The following CACNA1C variants were observed in gnomAD, a reference collection of about 807,000 sequenced individuals.
CACNA1C encodes voltage-dependent L-type calcium channel subunit alpha-1C.
A neutral mutation model predicts 229.0 loss-of-function variants in CACNA1C; 30 were observed. The ratio of observed to expected loss-of-function variants is 0.13; its 90% confidence interval spans 0.10 to 0.18. CACNA1C has a LOEUF of 0.18. CACNA1C is among the 10% of genes least tolerant of loss of function. The probability of loss-of-function intolerance (pLI) is 1.00; values close to 1 mark genes in which losing one functional copy is unlikely to be tolerated. For synonymous variants in CACNA1C, 1,114 were observed against 1,132.5 expected, an observed-to-expected ratio of 0.98 and a Z score of 0.33; for missense variants, 1,658 against 2,845.0, an observed-to-expected ratio of 0.58 and a Z score of 9.49.
chr12:2,092,809 G>A (rs1007275146), intron 1 of CACNA1C, among the ~76,000 whole-genome samples: 1 of 152,226 alleles, frequency 6.6e-6, no homozygotes, highest in African/African-American at 2.4e-5. Context: ...ACTTAGCAAA[G>A]ATCACATGGT....
chr12:2,542,468 A>G (rs906671284), intron 9 of CACNA1C, among the ~76,000 whole-genome samples: 9 of 152,174 alleles, frequency 5.9e-5, no homozygotes, highest in Non-Finnish European at 1.3e-4. Context: ...TGTTGACCAC[A>G]GCTGTAAGAA....
chr12:2,235,158 T>TC (rs1244734587), intron 3 of CACNA1C, among the ~76,000 whole-genome samples: 10 of 152,200 alleles, frequency 6.6e-5, no homozygotes, highest in Non-Finnish European at 1.2e-4. Context: ...TTCGGCCTGC[T>TC]CCCGGGGGAA....
chr12:2,084,508 A>G (rs2066836536), intron 1 of CACNA1C, among the ~76,000 whole-genome samples: 1 of 152,006 alleles, frequency 6.6e-6, no homozygotes, highest in South Asian at 2.1e-4. Context: ...TCTTGTCCCC[A>G]CTTTCTTTAC....
chr12:2,166,016 TA>T (rs1342243539), intron 3 of CACNA1C, among the ~76,000 whole-genome samples: 1 of 152,172 alleles, frequency 6.6e-6, no homozygotes, highest in Admixed American at 6.5e-5. Context: ...AGTGAAGAAA[TA>T]GCTTTTGATG....
chr12:2,667,594 C>G (rs943700054), intron 37 of CACNA1C, among the ~76,000 whole-genome samples: 2 of 152,142 alleles, frequency 1.3e-5, no homozygotes, highest in African/African-American at 4.8e-5. Flanking sequence ...TAGAAAATAT[C>G]AGAAAAGAGC....
chr12:2,205,222 G>A (rs975204885), intron 3 of CACNA1C, among the ~76,000 whole-genome samples: 3 of 152,180 alleles, frequency 2.0e-5, no homozygotes, highest in African/African-American at 7.2e-5. Context: ...ACAGACTTCT[G>A]CACGTTACAC....
At chr12:2,178,206 G>T (rs2096726584) in intron 3 of CACNA1C, among the ~76,000 whole-genome samples, 2 of 152,312 alleles carry the variant, frequency 1.3e-5, no homozygotes, top group African/African-American at 2.4e-5. Context: ...TTTCAAATGG[G>T]TATCCGTCCT....
intron 13 of CACNA1C, among the ~76,000 whole-genome samples, chr12:2,572,535 T>TTCCTCCTTCTCCCC (rs2056013107): frequency 2.1e-5 from 1 of 47,368 alleles, no homozygotes. Flanking sequence ...TCTTCTTCTC[T>TTCCTCCTTCTCCCC]TCCTCCTTCT....
At chr12:2,380,526 C>T (rs1308372271) in intron 3 of CACNA1C, among the ~76,000 whole-genome samples, 1 of 152,182 alleles carries the variant, frequency 6.6e-6, no homozygotes, top group Non-Finnish European at 1.5e-5. Context: ...TGATGTTTTT[C>T]ACCCCTCTGG....
At chr12:2,154,323 G>A (rs1432423609) in intron 3 of CACNA1C, among the ~76,000 whole-genome samples, 1 of 152,162 alleles carries the variant, frequency 6.6e-6, no homozygotes, top group Non-Finnish European at 1.5e-5. Flanking sequence ...AAGAGTGGGC[G>A]GTCAGAAAAC....
intron 3 of CACNA1C, among the ~76,000 whole-genome samples, chr12:2,192,025 C>T (rs955929689): frequency 6.6e-5 from 10 of 150,510 alleles, no homozygotes; most frequent in African/African-American, 2.4e-4. Flanking sequence ...CACACATATA[C>T]ACGCACTCAC....
intron 18 of CACNA1C, among the ~76,000 whole-genome samples, chr12:2,592,322 AG>A (rs1478145305): frequency 1.3e-5 from 2 of 152,228 alleles, no homozygotes; most frequent in Non-Finnish European, 2.9e-5. Flanking sequence ...TGAGGTATAG[AG>A]GTACTGTTAT....
chr12:2,480,588 T>G (rs1245422599), intron 5 of CACNA1C, among the ~76,000 whole-genome samples: 1 of 152,194 alleles, frequency 6.6e-6, no homozygotes, highest in Non-Finnish European at 1.5e-5. Context: ...TAAATAGTCT[T>G]TGAGTGAAAT....
chr12:2,058,094 C>T (rs749253915), intron 1 of CACNA1C, among the ~76,000 whole-genome samples: 4 of 152,156 alleles, frequency 2.6e-5, no homozygotes, highest in Admixed American at 6.5e-5. Flanking sequence ...TGTTTTCCAG[C>T]GCCTGGCATT....
At chr12:2,472,185 T>G (rs2099597073) in intron 5 of CACNA1C, among the ~76,000 whole-genome samples, 1 of 152,174 alleles carries the variant, frequency 6.6e-6, no homozygotes, top group Admixed American at 6.5e-5. Flanking sequence ...GGGCCATCAT[T>G]TCTTCAAATA....
chr12:2,337,187 A>G (rs114700166), intron 3 of CACNA1C, among the ~76,000 whole-genome samples: 6,086 of 152,276 alleles, frequency 0.04, 393 homozygotes, highest in African/African-American at 0.14. Context: ...AGGTTTTGGG[A>G]TTCCAAGTTT....
chr12:2,106,588 T>C (rs1283759987), intron 1 of CACNA1C, among the ~76,000 whole-genome samples: 7 of 93,806 alleles, frequency 7.5e-5, no homozygotes, highest in South Asian at 4.4e-4. Flanking sequence ...CACTGGGTGC[T>C]CACCCTGGAG....
At chr12:2,437,798 GGGATGGTGA>G (rs1440794176) in intron 3 of CACNA1C, among the ~76,000 whole-genome samples, 1 of 146,726 alleles carries the variant, frequency 6.8e-6, no homozygotes, top group African/African-American at 2.6e-5. Context: ...GGTGGTGGTG[GGGATGGTGA>G]TGATGGTGGT....
chr12:2,006,244 C>G (rs1002874511), intron 1 of CACNA1C, among the ~76,000 whole-genome samples: 1 of 151,992 alleles, frequency 6.6e-6, no homozygotes, highest in Non-Finnish European at 1.5e-5. Context: ...CCCGTCTCTA[C>G]TAAAAATACA....
Sources: allele counts gnomAD v4.1 joint callset (sites outside exome capture counted in the v4.1 genomes callset), GRCh38; gene constraint gnomAD v4.1.1; transcripts MANE v1.5; gene names NCBI Gene and HGNC (gene_info 2026-07-23, HGNC 2026-07-21).